FAM13B: variants seen among roughly 807,000 people sequenced by gnomAD.
FAM13B encodes protein FAM13B.
FAM13B carries 60 observed loss-of-function variants against 117.3 expected under a neutral mutation model. The observed-to-expected ratio is 0.51, with a 90% CI of 0.42 to 0.63. FAM13B has a LOEUF of 0.63. Ranked by LOEUF, FAM13B falls within the 30% of genes least tolerant of loss-of-function variation. The pLI is 0.00. For synonymous variants in FAM13B, 332 were observed against 356.1 expected (o/e 0.93, Z 0.76); for missense variants, 972 against 1,091.9 (o/e 0.89, Z 1.55).
At chr5:137,989,966 A>G (rs1778196335) in intron 7 of FAM13B, among the ~76,000 whole-genome samples, 1 of 152,242 alleles carries the variant, frequency 6.6e-6, no homozygotes, top group African/African-American at 2.4e-5. Context: ...GTTTCCTGTG[A>G]GCTAAAAGTT....
chr5:137,939,771 AT>A lies in FAM13B; in HGVS notation c.*453del. The A allele has an allele frequency of 2.0e-6, 2 of 976,178 alleles. No homozygotes were observed. The highest frequency in any genetic ancestry group is 2.6e-6 in the Non-Finnish European group (2 of 773,528). 60.5% of individuals were successfully genotyped at this position (976,178 alleles called of 1,614,324 possible). ...AACACAGTTGCGTATGTGCACTTTT[AT>A]AGGCTTTTCTTTCAAATTTTCAGTC... On this transcript the variant is annotated 3_prime_UTR_variant, in exon 24 of 24. Coordinates refer to ENST00000689681, the MANE Select transcript of FAM13B (RefSeq NM_001385994.1).
At chr5:137,968,339 G>A (rs774183794) in intron 10 of FAM13B, among the ~76,000 whole-genome samples, 12 of 151,310 alleles carry the variant, frequency 7.9e-5, no homozygotes, top group Non-Finnish European at 1.2e-4. Flanking sequence ...TACTTGGGAG[G>A]CTGAGGCATG....
chr5:138,035,571 T>G (rs769102426), upstream of FAM13B, among the ~76,000 whole-genome samples: 1 of 152,232 alleles, frequency 6.6e-6, no homozygotes, highest in Non-Finnish European at 1.5e-5. Context: ...TGTACCTAAT[T>G]GAAAACTCAG....
intron 1 of FAM13B, among the ~76,000 whole-genome samples, chr5:138,030,300 G>T (rs776605346): frequency 1.3e-5 from 2 of 152,156 alleles, no homozygotes; most frequent in Non-Finnish European, 2.9e-5. Flanking sequence ...AGGCTGGAAT[G>T]CAATGGCATC....
intron 1 of FAM13B, among the ~76,000 whole-genome samples, chr5:138,030,721 C>T (rs1004970076): frequency 7.0e-6 from 1 of 142,396 alleles, no homozygotes; most frequent in African/African-American, 2.6e-5. Flanking sequence ...TCCCCCCCCC[C>T]CAAAAAAAAA....
chr5:138,010,330 G>A (rs1277833593), intron 6 of FAM13B, among the ~76,000 whole-genome samples: 1 of 152,146 alleles, frequency 6.6e-6, no homozygotes, highest in Non-Finnish European at 1.5e-5. Flanking sequence ...GTGGGGCCAG[G>A]TGTGGTGGCT....
At chr5:137,970,226 C>G (rs1771650626) in intron 10 of FAM13B, among the ~76,000 whole-genome samples, 1 of 151,922 alleles carries the variant, frequency 6.6e-6, no homozygotes, top group African/African-American at 2.4e-5. Flanking sequence ...TCGGGTTACC[C>G]TCAAAGGGAA....
chr5:138,020,172 T>C (rs1786330070), intron 2 of FAM13B, among the ~76,000 whole-genome samples: 1 of 151,984 alleles, frequency 6.6e-6, no homozygotes. Context: ...GCGGTTCTCC[T>C]GCCTCAGCCT....
At chr5:137,984,226 A>G (rs894659045) in intron 10 of FAM13B, among the ~76,000 whole-genome samples, 1 of 152,214 alleles carries the variant, frequency 6.6e-6, no homozygotes, top group Non-Finnish European at 1.5e-5. Flanking sequence ...TATTTTCAGA[A>G]ATAGCAAACA....
chr5:137,961,519 T>G (rs536675117), intron 11 of FAM13B, among the ~76,000 whole-genome samples: 1 of 152,288 alleles, frequency 6.6e-6, no homozygotes, highest in Non-Finnish European at 1.5e-5. Context: ...GGAACTGCTA[T>G]AAGGAAATCT....
chr5:137,984,020 T>C lies in FAM13B; in HGVS notation c.1179+1237A>G, dbSNP rs542769543. On this transcript the variant is annotated intron_variant, in intron 10 of 23. Transcript: ENST00000689681. ...TATCAAAATTACATTTTGAATGTCT[T>C]AGATGCTGCTTTTTACATTTAATGG... Among the ~76,000 whole-genome samples the C allele has an allele frequency of 3.9e-5, 6 of 152,330 alleles. No individual in the cohort carries two copies. The East Asian group carries it at 1.2e-3, about 29-fold the overall frequency.
At chr5:137,973,163 C>T (rs1428823273) in intron 10 of FAM13B, among the ~76,000 whole-genome samples, 1 of 152,136 alleles carries the variant, frequency 6.6e-6, no homozygotes, top group Non-Finnish European at 1.5e-5. Flanking sequence ...CAATCCTGAG[C>T]CAAAAGAACA....
rs1395546528 is a variant in FAM13B, at chr5:138,007,984, A to T, written c.691-837T>A. Among the ~76,000 whole-genome samples, 4 of 152,350 alleles carry T rather than the reference A, an allele frequency of 2.6e-5. No individual in the cohort carries two copies. In the East Asian group the frequency reaches 7.7e-4, roughly 29 times the overall value. Reference sequence around the variant, plus strand: ...AAATGCAATAGAAATATCTAGAATAAATGTGTTTACTACTACATGTAACAG... The same window carrying T: ...AAATGCAATAGAAATATCTAGAATATATGTGTTTACTACTACATGTAACAG... On this transcript the variant is annotated intron_variant, in intron 6 of 23. Transcript: ENST00000689681.
At chr5:138,035,388 C>A (rs529040917), upstream of FAM13B, among the ~76,000 whole-genome samples, 2 of 152,132 alleles carry the variant, frequency 1.3e-5, no homozygotes, top group South Asian at 4.2e-4. Flanking sequence ...CCATTTTCCC[C>A]CTCAAAAACT....
chr5:137,984,632 C>T (rs1776693561), intron 10 of FAM13B, among the ~76,000 whole-genome samples: 1 of 69,446 alleles, frequency 1.4e-5, no homozygotes, highest in South Asian at 9.8e-4. Flanking sequence ...ATATGTTCTC[C>T]CCTATACCAT....
intron 14 of FAM13B, 92 bp from the exon 15 acceptor site, chr5:137,954,468 A>G (rs921827166): frequency 1.1e-6 from 1 of 898,852 alleles, no homozygotes; most frequent in Non-Finnish European, 1.7e-6. Context: ...TCCTTAAATC[A>G]TATCATTATG....
chr5:137,962,342 C>A, intron 11 of FAM13B, 63 bp downstream of exon 11: 1 of 1,466,294 alleles, frequency 6.8e-7, no homozygotes, highest in Non-Finnish European at 9.5e-7. Context: ...AAAATCACCT[C>A]AAAAATCTGT....
At chr5:138,036,143 C>T (rs1791137087), upstream of FAM13B, 1 of 342,560 alleles carries the variant, frequency 2.9e-6, no homozygotes, top group African/African-American at 2.1e-5. Flanking sequence ...GTGCCATTCA[C>T]ATCATTCTCA....
Position 138,013,865 on chromosome 5 carries a change from C to T in FAM13B, c.371-1920G>A, listed in dbSNP as rs772530942. On this transcript the variant is annotated intron_variant, in intron 4 of 23. Transcript: ENST00000689681. ...CTGTGGCACTTAATGTCTAGCATAC[C>T]TATCCATATGTTTATTTTTATCATC... is the stretch of plus-strand genomic sequence containing the variant. Among the ~76,000 whole-genome samples the T allele has an allele frequency of 2.6e-5, 4 of 152,150 alleles. No individual in the cohort carries two copies. The South Asian group carries it at 8.3e-4, about 32-fold the overall frequency.
Sources: allele counts gnomAD v4.1 joint callset (sites outside exome capture counted in the v4.1 genomes callset), GRCh38; gene constraint gnomAD v4.1.1; transcripts MANE v1.5; gene names NCBI Gene and HGNC (gene_info 2026-07-23, HGNC 2026-07-21).